The following OPRM1 variants were observed in gnomAD, a reference collection of about 807,000 sequenced individuals.
OPRM1 encodes mu-type opioid receptor.
OPRM1 carries 27 observed loss-of-function variants against 31.8 expected under a neutral mutation model. The observed-to-expected ratio is 0.85, with a 90% CI of 0.63 to 1.17. The LOEUF (loss-of-function observed/expected upper bound fraction) is 1.17, where lower values mean the gene tolerates loss of function less well. Among genes scored for constraint, OPRM1 ranks in the 50% most tolerant of loss-of-function variants. OPRM1 has a pLI of 0.00. For synonymous variants in OPRM1, 196 were observed against 189.9 expected, an observed-to-expected ratio of 1.03 and a Z score of -0.26; for missense variants, 536 against 511.1, an observed-to-expected ratio of 1.05 and a Z score of -0.47.
intron 3 of OPRM1, among the ~76,000 whole-genome samples, chr6:154,216,613 T>C (rs963891065): frequency 6.6e-6 from 1 of 152,212 alleles, no homozygotes; most frequent in African/African-American, 2.4e-5. Flanking sequence ...CTCACACCTG[T>C]AATCCCAGCA....
intron 1 of OPRM1, among the ~76,000 whole-genome samples, chr6:154,021,265 A>T (rs753555318): frequency 3.9e-5 from 6 of 152,208 alleles, no homozygotes; most frequent in Non-Finnish European, 5.9e-5. Flanking sequence ...ATCAGTTGAT[A>T]GTATTTATAT....
At chr6:154,087,808 AAT>A in intron 1 of OPRM1, 1 of 153,730 alleles carries the variant, frequency 6.5e-6, no homozygotes, top group African/African-American at 2.4e-5. Context: ...AATTAAGGTA[AAT>A]ATATGTGGAA....
At chr6:154,186,852 G>C (rs1222620972) in intron 3 of OPRM1, among the ~76,000 whole-genome samples, 2 of 152,032 alleles carry the variant, frequency 1.3e-5, no homozygotes, top group Non-Finnish European at 2.9e-5. Flanking sequence ...CACCACGCCC[G>C]GCCCAGAGCA....
intron 1 of OPRM1, among the ~76,000 whole-genome samples, chr6:154,019,057 C>T (rs1778182353): frequency 6.6e-6 from 1 of 151,932 alleles, no homozygotes; most frequent in Non-Finnish European, 1.5e-5. Context: ...ATAATCACAT[C>T]ATGCCAAATC....
At chr6:154,102,763 A>C (rs1386277183) in intron 3 of OPRM1, among the ~76,000 whole-genome samples, 1 of 152,190 alleles carries the variant, frequency 6.6e-6, no homozygotes, top group Non-Finnish European at 1.5e-5. Flanking sequence ...AATTTTGTTC[A>C]ATAGCTGGAG....
chr6:154,143,195 A>C (rs569284), intron 3 of OPRM1, among the ~76,000 whole-genome samples: 13,898 of 152,240 alleles, frequency 0.091, 741 homozygotes, highest in African/African-American at 0.14. Flanking sequence ...GCCTTTCTAC[A>C]GTAAGCCAAA....
Position 154,087,297 on chromosome 6 carries a change from C to G in OPRM1, c.291-2529C>G. On this transcript the variant is annotated intron_variant, in intron 1 of 3. Transcript: ENST00000330432. ...ATCACTTTCCTGATGTTATTGAAAC[C>G]AAAACACTTTCCTGGACACTGAATT... 8.1e-6 allele frequency: 8 copies of G among 985,374 alleles called. No individual in the cohort carries two copies. In the South Asian group the frequency reaches 3.8e-4, roughly 46 times the overall value. 61.0% of individuals were successfully genotyped at this position (985,374 alleles called of 1,614,324 possible). A position where few individuals can be genotyped will look rare whatever the true frequency, so the allele number is the denominator to read the frequency against.
Position 154,180,436 on chromosome 6 carries a change from T to C in OPRM1, c.1165-66257T>C, listed in dbSNP as rs1050734363. On this transcript the variant is annotated intron_variant, in intron 3 of 3. Transcript: ENST00000337049. ...TATATTTTTTTTTTAAACATGATCC[T>C]TCTTGGTGACATTAGCAAATGAGAC... 4.0e-5 allele frequency among the ~76,000 whole-genome samples: 6 copies of C among 148,304 alleles called. No homozygotes were observed. The South Asian group carries it at 1.3e-3, about 32-fold the overall frequency.
chr6:154,167,249 G>T (rs1256675489), intron 3 of OPRM1, among the ~76,000 whole-genome samples: 1 of 152,222 alleles, frequency 6.6e-6, no homozygotes, highest in Non-Finnish European at 1.5e-5. Context: ...AAATGTGAAA[G>T]CAGGACACTT....
At chr6:154,081,048 A>G (rs1175704650) in intron 1 of OPRM1, among the ~76,000 whole-genome samples, 1 of 152,170 alleles carries the variant, frequency 6.6e-6, no homozygotes, top group African/African-American at 2.4e-5. Context: ...GAGGTGAGAA[A>G]GAATAAGTGT....
At chr6:154,096,680 G>A (rs1793450171) in intron 3 of OPRM1, among the ~76,000 whole-genome samples, 1 of 152,082 alleles carries the variant, frequency 6.6e-6, no homozygotes, top group Non-Finnish European at 1.5e-5. Flanking sequence ...AAAATGCTCA[G>A]GGAAGTTAAA....
intron 1 of OPRM1, among the ~76,000 whole-genome samples, chr6:154,054,294 G>A (rs1159741560): frequency 6.6e-6 from 1 of 151,276 alleles, no homozygotes; most frequent in Non-Finnish European, 1.5e-5. Context: ...GCGTGGACCC[G>A]GGAGGCGGAG....
intron 3 of OPRM1, among the ~76,000 whole-genome samples, chr6:154,101,851 T>C (rs1040614713): frequency 1.3e-5 from 2 of 152,260 alleles, no homozygotes; most frequent in Non-Finnish European, 2.9e-5. Flanking sequence ...TAAACATATG[T>C]AAATTTAATT....
At chr6:154,041,064 A>C (rs1467200211) in intron 1 of OPRM1, among the ~76,000 whole-genome samples, 1 of 152,114 alleles carries the variant, frequency 6.6e-6, no homozygotes, top group Non-Finnish European at 1.5e-5. Context: ...CAAGTATTGC[A>C]GGTTTCAGCG....
intron 3 of OPRM1, among the ~76,000 whole-genome samples, chr6:154,094,679 A>C (rs1163750569): frequency 6.6e-6 from 1 of 152,172 alleles, no homozygotes; most frequent in Non-Finnish European, 1.5e-5. Flanking sequence ...AAGAGAAAGA[A>C]AGAGAGAGAG....
intron 3 of OPRM1, among the ~76,000 whole-genome samples, chr6:154,224,405 C>G (rs1272075827): frequency 6.6e-6 from 1 of 152,124 alleles, no homozygotes; most frequent in South Asian, 2.1e-4. Flanking sequence ...ATGCCTTCCT[C>G]TTATAAGATT....
At chr6:154,099,731 AAATTGT>A (rs1794196864) in intron 3 of OPRM1, among the ~76,000 whole-genome samples, 1 of 149,672 alleles carries the variant, frequency 6.7e-6, no homozygotes, top group Admixed American at 6.7e-5. Context: ...TTCAAATGTT[AAATTGT>A]AATTGTAGTT....
At chr6:154,245,178 G>A (rs1406806464) in intron 3 of OPRM1, among the ~76,000 whole-genome samples, 2 of 152,016 alleles carry the variant, frequency 1.3e-5, no homozygotes, top group Non-Finnish European at 2.9e-5. Flanking sequence ...CAGGAGGGGA[G>A]AAGAAAAGAG....
At chr6:154,043,866 A>G (rs571687002) in intron 1 of OPRM1, among the ~76,000 whole-genome samples, 60 of 152,234 alleles carry the variant, frequency 3.9e-4, no homozygotes, top group African/African-American at 1.4e-3. Flanking sequence ...TTCCATATAG[A>G]AACTAATTCA....
Sources: gnomAD v4.1 joint callset for allele counts (sites outside exome capture counted in the v4.1 genomes callset) on GRCh38, gnomAD v4.1.1 for gene constraint, MANE v1.5 for transcripts, NCBI Gene and HGNC (gene_info 2026-07-23, HGNC 2026-07-21) for gene names.